The following NNT variants were observed in gnomAD, a reference collection of about 807,000 sequenced individuals.
The protein encoded by NNT is NAD(P) transhydrogenase, mitochondrial.
In NNT, 50 loss-of-function variants were observed where a neutral mutation model predicts 104.8. The ratio of observed to expected loss-of-function variants is 0.48; its 90% CI spans 0.38 to 0.60. The LOEUF is 0.60. NNT is among the 20% of genes least tolerant of loss of function. The probability of loss-of-function intolerance (pLI) is 0.00; values close to 1 mark genes in which losing one functional copy is unlikely to be tolerated. For synonymous variants in NNT, 461 were observed against 490.4 expected, an observed-to-expected ratio of 0.94 and a Z score of 0.79; for missense variants, 1,131 against 1,330.7, an observed-to-expected ratio of 0.85 and a Z score of 2.33.
intron 10 of NNT, among the ~76,000 whole-genome samples, chr5:43,647,387 A>G (rs1318539451): frequency 2.6e-5 from 4 of 152,086 alleles, no homozygotes; most frequent in Non-Finnish European, 4.4e-5. Context: ...ATAATGATTT[A>G]TTTTTCTCAG....
At chr5:43,634,756 G>A (rs1323886089) in intron 7 of NNT, among the ~76,000 whole-genome samples, 5 of 152,190 alleles carry the variant, frequency 3.3e-5, no homozygotes, top group Admixed American at 6.6e-5. Flanking sequence ...TGCAGATAGA[G>A]CAACTTGTCC....
chr5:43,699,750 C>T (rs188362919), intron 19 of NNT, among the ~76,000 whole-genome samples: 11 of 152,186 alleles, frequency 7.2e-5, no homozygotes, highest in Admixed American at 2.0e-4. Flanking sequence ...TAATTCCAGG[C>T]TAGGTAAATA....
At chr5:43,656,888 T>C (rs1044607621) in intron 16 of NNT, 75 bp downstream of exon 16, 1 of 1,368,454 alleles carries the variant, frequency 7.3e-7, no homozygotes. Flanking sequence ...AGTGTAATCA[T>C]ATTTTTATCT....
At chr5:43,606,273 A>G (rs1161196666) in intron 1 of NNT, among the ~76,000 whole-genome samples, 1 of 152,198 alleles carries the variant, frequency 6.6e-6, no homozygotes, top group African/African-American at 2.4e-5. Flanking sequence ...AGGTTGGGAT[A>G]GGAGTAGGTC....
chr5:43,686,142 T>C (rs866690565), intron 19 of NNT, among the ~76,000 whole-genome samples: 3 of 152,116 alleles, frequency 2.0e-5, no homozygotes, highest in African/African-American at 7.2e-5. Context: ...CTATTCTTAA[T>C]TGATGACTGA....
intron 1 of NNT, among the ~76,000 whole-genome samples, chr5:43,604,344 C>A (rs1485163878): frequency 6.6e-6 from 1 of 152,168 alleles, no homozygotes; most frequent in South Asian, 2.1e-4. Flanking sequence ...TTCTTCATTG[C>A]ACCCCTTTTA....
At chr5:43,690,744 T>C (rs1394520814) in intron 19 of NNT, among the ~76,000 whole-genome samples, 1 of 151,418 alleles carries the variant, frequency 6.6e-6, no homozygotes, top group Non-Finnish European at 1.5e-5. Flanking sequence ...TCATGCCCAC[T>C]GCCAACCGTC....
rs1397935741 is a variant in NNT at position 43,687,817 on chromosome 5, C to CA, written c.2876+10015dup. Among the ~76,000 whole-genome samples, 3 of 152,144 alleles carry CA rather than the reference C, an allele frequency of 2.0e-5. No homozygotes were observed. In the East Asian group the frequency reaches 5.8e-4, roughly 29 times the overall value. The stretch of plus-strand genomic sequence containing the variant: ...TGCAGTCTGCAGCTAATCAAGGCAT[C>CA]AAAATGAGAACAAATATATTCAGAG... On this transcript the variant is annotated intron_variant, in intron 19 of 21. Coordinates refer to ENST00000344920, the MANE Select transcript of NNT (RefSeq NM_182977.3).
intron 12 of NNT, among the ~76,000 whole-genome samples, 161 bp from the exon 13 acceptor site, chr5:43,651,577 CA>C (rs905792752): frequency 2.5e-4 from 36 of 144,628 alleles, no homozygotes; most frequent in African/African-American, 8.9e-4. Flanking sequence ...GACTCCATCT[CA>C]AAAAAAAAAA....
intron 1 of NNT, among the ~76,000 whole-genome samples, chr5:43,604,538 G>A (rs1749102765): frequency 6.6e-6 from 1 of 152,104 alleles, no homozygotes; most frequent in Non-Finnish European, 1.5e-5. Context: ...TAGGCTTAAG[G>A]TCACCTAGCC....
intron 14 of NNT, among the ~76,000 whole-genome samples, chr5:43,654,707 T>C (rs1294530401): frequency 6.6e-6 from 1 of 152,240 alleles, no homozygotes; most frequent in African/African-American, 2.4e-5. Context: ...TCTTATTATT[T>C]GAAAATTGTG....
intron 17 of NNT, among the ~76,000 whole-genome samples, chr5:43,663,693 T>A (rs566176564): frequency 6.6e-5 from 10 of 152,186 alleles, no homozygotes; most frequent in Non-Finnish European, 1.3e-4. Context: ...GTAGCAGGCA[T>A]TATGCTGGGT....
intron 7 of NNT, among the ~76,000 whole-genome samples, chr5:43,638,093 T>TA (rs1751035106): frequency 6.6e-6 from 1 of 152,184 alleles, no homozygotes; most frequent in South Asian, 2.1e-4. Flanking sequence ...ATCTGATGGT[T>TA]TTATAAGGAG....
intron 7 of NNT, among the ~76,000 whole-genome samples, chr5:43,631,469 C>T (rs74752808): frequency 0.019 from 2,940 of 152,170 alleles, 43 homozygotes; most frequent in Middle Eastern, 0.054. Context: ...GAGGCAGCTG[C>T]GCATTAGCGG....
intron 1 of NNT, among the ~76,000 whole-genome samples, chr5:43,603,734 C>A (rs979901585): frequency 2.0e-5 from 3 of 152,032 alleles, no homozygotes; most frequent in Non-Finnish European, 2.9e-5. Context: ...GGCGGTTCAT[C>A]CAGAGAGGTG....
chr5:43,631,423 G>T (rs898629861), intron 7 of NNT, among the ~76,000 whole-genome samples: 3 of 152,204 alleles, frequency 2.0e-5, no homozygotes, highest in African/African-American at 4.8e-5. Context: ...GGAAGGAATG[G>T]GGTGACATAT....
chr5:43,624,159 A>G (rs953991210), intron 6 of NNT, 39 bp downstream of exon 6: 1 of 1,588,824 alleles, frequency 6.3e-7, no homozygotes, highest in South Asian at 1.1e-5. Context: ...AGGTAAAAAC[A>G]TTTTGTTTCA....
At chr5:43,646,328 C>G (rs1739428951) in intron 10 of NNT, among the ~76,000 whole-genome samples, 2 of 152,116 alleles carry the variant, frequency 1.3e-5, no homozygotes, top group South Asian at 4.2e-4. Flanking sequence ...TTTTGTTGCT[C>G]AGGTAGGAGT....
chr5:43,653,942 G>C (rs1017373414), intron 14 of NNT, among the ~76,000 whole-genome samples: 3 of 149,366 alleles, frequency 2.0e-5, no homozygotes, highest in African/African-American at 7.4e-5. Context: ...GTGACAAAGC[G>C]AGACTCTGTC....
Sources: gnomAD v4.1 joint callset for allele counts (sites outside exome capture counted in the v4.1 genomes callset) on GRCh38, gnomAD v4.1.1 for gene constraint, MANE v1.5 for transcripts, NCBI Gene and HGNC (gene_info 2026-07-23, HGNC 2026-07-21) for gene names.